SLC6A8: variants seen among roughly 807,000 people sequenced by gnomAD.
The protein encoded by SLC6A8 is sodium- and chloride-dependent creatine transporter 1.
SLC6A8 carries 6 observed loss-of-function variants against 48.3 expected under a neutral mutation model. That is an observed-to-expected ratio of 0.12 (90% CI 0.07 to 0.25). The LOEUF is 0.25. SLC6A8 is among the 10% of genes least tolerant of loss of function. The probability of loss-of-function intolerance (pLI) is 1.00; values close to 1 mark genes in which losing one functional copy is unlikely to be tolerated. For missense variants in SLC6A8, 260 were observed against 551.5 expected (o/e 0.47, Z 5.29); for synonymous variants, 245 against 244.0 (o/e 1.00, Z -0.04).
intron 12 of SLC6A8, 91 bp downstream of exon 12, chrX:153,694,980 T>C: frequency 9.7e-7 from 1 of 1,033,909 alleles, no homozygotes; most frequent in Non-Finnish European, 1.3e-6. Context: ...CCGACTAGGG[T>C]GGCAGGCAGT....
chrX:153,694,308 G>A (rs373653754), intron 9 of SLC6A8, 36 bp from the exon 10 acceptor site: 426 of 1,207,457 alleles, frequency 3.5e-4, no homozygotes, highest in Non-Finnish European at 4.4e-4. Flanking sequence ...TCTGGTGGCC[G>A]TCTGCCATCC....
rs1557045600 is a variant in SLC6A8, at chrX:153,694,643, G to A, written c.1596+10G>A. ...CCCGCTGGTCTGCATGGTAAGGGCT[G>A]GGGGAGGTGGGGCAGGGCGGGGGGC... is the stretch of plus-strand genomic sequence containing the variant. On this transcript the variant is annotated intron_variant, in intron 11 of 12. Coordinates refer to ENST00000253122, the MANE Select transcript of SLC6A8 (RefSeq NM_005629.4). The A allele has an allele frequency of 2.5e-6, 3 of 1,197,317 alleles. No homozygotes were observed. The East Asian group carries it at 8.9e-5, about 35-fold the overall frequency.
chrX:153,694,045 C>T lies in SLC6A8; in HGVS notation c.1254+28C>T, dbSNP rs368884805. The T allele has an allele frequency of 6.0e-4, 708 of 1,180,731 alleles. 1 individual carries two copies. The highest frequency in any genetic ancestry group is 7.5e-4 in the Non-Finnish European group (653 of 875,396). ...TTGCATGGGGCTCTGGGACAGGGAG[C>T]CAGGAGGGGGGCGGAGGGAGGGCTG... On this transcript the variant is annotated intron_variant, in intron 8 of 12. Transcript: ENST00000253122.
intron 1 of SLC6A8, 190 bp downstream of exon 1, chrX:153,689,026 A>C (rs1603213193): frequency 1.5e-5 from 2 of 134,821 alleles, no homozygotes; most frequent in East Asian, 2.2e-4. Flanking sequence ...CCTCGCAGTC[A>C]TGTGCCTGGC....
In SLC6A8 at chrX:153,694,341, C is replaced by A. The variant is rs1557045463; in HGVS notation, c.1393-3C>A. On this transcript the variant is annotated splice_polypyrimidine_tract_variant and splice_region_variant and intron_variant, in intron 9 of 12. Transcript: ENST00000253122. The stretch of plus-strand genomic sequence containing the variant: ...TCCTCCCTGACTGGGCTCTGTCCCC[C>A]AGGGCGGGATGTACGTCTTCCAGCT... 8.3e-7 allele frequency: 1 copy of A among 1,210,652 alleles called. No individual in the cohort carries two copies. Among genetic ancestry groups the A allele is most frequent in the Admixed American group, 2.2e-5 (1 of 46,063 alleles).
chrX:153,690,463 G>A lies in SLC6A8; in HGVS notation c.351G>A (p.Lys117=). ...AGATCTCGCTGGGCCAGTTCATGAA[G>A]GCCGGCAGCATCAATGTCTGGAACA... ...FLEISLGQFM[K]AGSINVWNIC... The change falls in exon 2 of 13, where the codon AAG becomes AAA. Residue 117 remains lysine, a synonymous_variant. Coordinates refer to ENST00000253122, the MANE Select transcript of SLC6A8 (RefSeq NM_005629.4). 1 of 1,191,072 alleles carries A rather than the reference G, an allele frequency of 8.4e-7. No homozygotes were observed.
rs782484566 is a variant in SLC6A8, at chrX:153,695,732, TAGA to T, written c.*521_*523del. The T allele has an allele frequency of 6.7e-5, 10 of 149,669 alleles. No homozygotes were observed. The highest frequency in any genetic ancestry group is 2.5e-4 in the African/African-American group (8 of 32,082). 12.3% of individuals were successfully genotyped at this position (149,669 alleles called of 1,213,427 possible). On this transcript the variant is annotated 3_prime_UTR_variant, in exon 13 of 13. Transcript: ENST00000253122. The stretch of plus-strand genomic sequence containing the variant: ...TATACCCCTCTCCCCATCCCTGTTA[TAGA>T]AGCTTAGAGAGCCAGCCAGCAATGG...
Position 153,695,858 on chromosome X carries a change from C to G in SLC6A8, c.*644C>G, listed in dbSNP as rs2091488418. 7.9e-6 allele frequency: 1 copy of G among 126,294 alleles called. No individual in the cohort carries two copies. Among genetic ancestry groups the G allele is most frequent in the Non-Finnish European group, 1.6e-5 (1 of 61,507 alleles). 10.4% of individuals were successfully genotyped at this position (126,294 alleles called of 1,213,427 possible). A position where few individuals can be genotyped will look rare whatever the true frequency, so the allele number is the denominator to read the frequency against. On this transcript the variant is annotated 3_prime_UTR_variant, in exon 13 of 13. Coordinates refer to ENST00000253122, the MANE Select transcript of SLC6A8 (RefSeq NM_005629.4). ...GAGTACGGAGAGTATATATAGATCT[C>G]TATCTCTTAGCAAAGGTGAATGCCA...
rs2148364134 is a variant in SLC6A8 at position 153,694,334 on chromosome X, T to C, written c.1393-10T>C. The C allele has an allele frequency of 8.3e-7, 1 of 1,209,941 alleles. No individual in the cohort carries two copies. Among genetic ancestry groups the C allele is most frequent in the Non-Finnish European group, 1.1e-6 (1 of 893,674 alleles). On this transcript the variant is annotated splice_polypyrimidine_tract_variant and intron_variant, in intron 9 of 12. Transcript: ENST00000253122. ...TCTGCCATCCTCCCTGACTGGGCTC[T>C]GTCCCCCAGGGCGGGATGTACGTCT...
intron 4 of SLC6A8, chrX:153,692,645 C>A: frequency 2.9e-6 from 1 of 345,443 alleles, no homozygotes; most frequent in South Asian, 2.6e-5. Flanking sequence ...CAACCCCCAC[C>A]TCTCTCCAGA....
chrX:153,695,598 A>G lies in SLC6A8; in HGVS notation c.*384A>G. The G allele has an allele frequency of 4.7e-6, 1 of 212,810 alleles. No individual in the cohort carries two copies. Among genetic ancestry groups the G allele is most frequent in the South Asian group, 7.7e-5 (1 of 13,007 alleles). The allele number at this position is 212,810 out of a possible 1,213,427, so 17.5% of individuals were successfully genotyped here. ...CCCTCACCCCAGAAGCAGCAGTGGC[A>G]GCTTGGGAAATGTGAGGAAGGGAAG... On this transcript the variant is annotated 3_prime_UTR_variant, in exon 13 of 13. Transcript: ENST00000253122.
chrX:153,694,507 G>A, intron 10 of SLC6A8, 26 bp from the exon 11 acceptor site: 1 of 1,196,188 alleles, frequency 8.4e-7, no homozygotes, highest in Middle Eastern at 2.3e-4. Context: ...TCTCCAGCTT[G>A]GCCCTCCCGC....
chrX:153,689,768 C>T (rs1463785925), intron 1 of SLC6A8, among the ~76,000 whole-genome samples: 2 of 111,511 alleles, frequency 1.8e-5, no homozygotes, highest in Middle Eastern at 4.3e-3. Flanking sequence ...CACGCCCTGC[C>T]TATCTCCTGC....
intron 4 of SLC6A8, 176 bp from the exon 5 acceptor site, chrX:153,692,865 T>C (rs2091464164): frequency 1.6e-6 from 1 of 608,364 alleles, no homozygotes; most frequent in Non-Finnish European, 2.7e-6. Flanking sequence ...CCCACTGCAC[T>C]TGGCCAGGGC....
At chrX:153,693,661 T>C in intron 7 of SLC6A8, 75 bp downstream of exon 7, 1 of 1,079,271 alleles carries the variant, frequency 9.3e-7, no homozygotes, top group South Asian at 1.9e-5. Context: ...GAACATGCAA[T>C]AGAAATGCTG....
intron 7 of SLC6A8, 31 bp from the exon 8 acceptor site, chrX:153,693,874 A>G: frequency 2.8e-6 from 3 of 1,077,089 alleles, no homozygotes; most frequent in Non-Finnish European, 3.8e-6. Flanking sequence ...GACATCGGCT[A>G]CAAGGTCTAG....
At chrX:153,691,730 C>T (rs1312886121) in intron 3 of SLC6A8, among the ~76,000 whole-genome samples, 177 bp downstream of exon 3, 2 of 112,895 alleles carry the variant, frequency 1.8e-5, no homozygotes, top group Non-Finnish European at 3.8e-5. Flanking sequence ...CTCCTGGGTT[C>T]GGCAGCCGAT....
chrX:153,689,426 CCGCCCGCCCGGG>C (rs1314171361), intron 1 of SLC6A8: 2 of 110,535 alleles, frequency 1.8e-5, no homozygotes, highest in Non-Finnish European at 3.7e-5. Context: ...GCCCGCCCGC[CCGCCCGCCCGGG>C]CCCAGCTTAG....
In SLC6A8 at chrX:153,695,205, T is replaced by C. The variant is rs2091483278; in HGVS notation, c.1899T>C (p.Ser633=). 1 of 1,183,152 alleles carries C rather than the reference T, an allele frequency of 8.5e-7. No homozygotes were observed. The highest frequency in any genetic ancestry group is 1.1e-6 in the Non-Finnish European group (1 of 880,781). ...SESSKVVVVE[S]VM ...GCAGCAAGGTCGTCGTGGTGGAGAG[T>C]GTCATGTGACAACTCAGCTCACATC... Residue 633 remains serine (S), a synonymous_variant, in exon 13 of 13, where the codon AGT becomes AGC. Coordinates refer to ENST00000253122, the MANE Select transcript of SLC6A8 (RefSeq NM_005629.4).
Sources: allele counts gnomAD v4.1 joint callset (sites outside exome capture counted in the v4.1 genomes callset), GRCh38; gene constraint gnomAD v4.1.1; transcripts MANE v1.5; gene names NCBI Gene and HGNC (gene_info 2026-07-23, HGNC 2026-07-21).